The following PTPDC1 variants were observed in gnomAD, a reference collection of about 807,000 sequenced individuals.
PTPDC1 encodes protein tyrosine phosphatase domain containing 1.
PTPDC1 carries 53 observed loss-of-function variants against 75.3 expected under a neutral mutation model. The ratio of observed to expected loss-of-function variants is 0.70; its 90% CI spans 0.56 to 0.88. The LOEUF (loss-of-function observed/expected upper bound fraction) is 0.88. Among genes scored for constraint, PTPDC1 ranks in the 40% least tolerant of loss-of-function variants. The probability of loss-of-function intolerance (pLI) is 0.00; values close to 1 mark genes in which losing one functional copy is unlikely to be tolerated. For synonymous variants in PTPDC1, 349 were observed against 366.2 expected (o/e 0.95, Z 0.54); for missense variants, 925 against 998.6 (o/e 0.93, Z 0.99).
intron 4 of PTPDC1, among the ~76,000 whole-genome samples, chr9:94,088,787 G>A (rs1827169332): frequency 6.6e-6 from 1 of 152,076 alleles, no homozygotes; most frequent in African/African-American, 2.4e-5. Context: ...CACTCAACAT[G>A]TGTCCTTCAA....
intron 2 of PTPDC1, among the ~76,000 whole-genome samples, chr9:94,068,745 G>A (rs993873178): frequency 7.2e-5 from 11 of 152,044 alleles, no homozygotes; most frequent in South Asian, 2.1e-4. Flanking sequence ...GATTTTCTTC[G>A]CCTGCCCAAC....
At chr9:94,077,773 G>A (rs924127729) in intron 2 of PTPDC1, among the ~76,000 whole-genome samples, 1 of 152,190 alleles carries the variant, frequency 6.6e-6, no homozygotes, top group African/African-American at 2.4e-5. Flanking sequence ...CCCCTCCCCA[G>A]AAGCTGGATT....
At chr9:94,034,349 T>C (rs1327825790) in intron 1 of PTPDC1, among the ~76,000 whole-genome samples, 2 of 152,030 alleles carry the variant, frequency 1.3e-5, no homozygotes, top group African/African-American at 4.8e-5. Context: ...CTGGCCAACA[T>C]GGTGAAACCC....
At chr9:94,045,649 G>T (rs1383577771) in intron 1 of PTPDC1, among the ~76,000 whole-genome samples, 1 of 152,188 alleles carries the variant, frequency 6.6e-6, no homozygotes, top group African/African-American at 2.4e-5. Context: ...CTTCTTTTGA[G>T]AAGTGTCTGT....
chr9:94,098,443 C>G lies in PTPDC1; in HGVS notation c.1877C>G (p.Ser626Cys). Residue 626 changes from serine to cysteine, a missense_variant, in exon 6 of 9, where the codon TCT (serine) becomes TGT (cysteine). Coordinates refer to ENST00000620992, the MANE Select transcript of PTPDC1 (RefSeq NM_001253829.2). Reference protein sequence around the residue: ...EHETQDSKDLSEAASHSALQS... With the variant: ...EHETQDSKDLCEAASHSALQS... ...GAAACCCAGGACAGTAAAGATCTGTCTGAAGCAGCTTCACACTCTGCATTA... is the reference window on the plus strand; with the variant it reads ...GAAACCCAGGACAGTAAAGATCTGTGTGAAGCAGCTTCACACTCTGCATTA... The G allele has an allele frequency of 2.5e-6, 4 of 1,614,170 alleles. No homozygotes were observed. The highest frequency in any genetic ancestry group is 3.4e-6 in the Non-Finnish European group (4 of 1,180,026).
In PTPDC1 at chr9:94,103,420, A is replaced by G. The variant is rs560919248; in HGVS notation, c.2200-855A>G. ...GGTTGGCACCACATGTCAGAGCAGAATTCAAGCTCAGACCACTTTGGCACA... is the reference window on the plus strand; with the variant it reads ...GGTTGGCACCACATGTCAGAGCAGAGTTCAAGCTCAGACCACTTTGGCACA... On this transcript the variant is annotated intron_variant, in intron 7 of 8. Transcript: ENST00000620992. 3.9e-5 allele frequency among the ~76,000 whole-genome samples: 6 copies of G among 152,340 alleles called. No homozygotes were observed. In the East Asian group the frequency reaches 1.2e-3, roughly 29 times the overall value.
chr9:94,087,698 A>G (rs1008382077), intron 2 of PTPDC1, 133 bp from the exon 3 acceptor site: 2 of 664,578 alleles, frequency 3.0e-6, no homozygotes, highest in South Asian at 2.0e-5. Context: ...AATAAAATTT[A>G]TACACAAAAA....
chr9:94,103,129 C>T (rs1309017435), intron 7 of PTPDC1, among the ~76,000 whole-genome samples: 1 of 152,208 alleles, frequency 6.6e-6, no homozygotes, highest in African/African-American at 2.4e-5. Context: ...CACACACACA[C>T]ATACACTCAC....
At position 94,098,227 on chromosome 9, in the gene PTPDC1, C is replaced by A. The variant is rs753815488; in HGVS notation, c.1661C>A (p.Pro554His). The A allele has an allele frequency of 6.2e-7, 1 of 1,614,180 alleles. No homozygotes were observed. Among genetic ancestry groups the A allele is most frequent in the East Asian group, 2.2e-5 (1 of 44,880 alleles). Residue 554 changes from proline (P) to histidine (H), a missense_variant, in exon 6 of 9, where the codon CCT (proline) becomes CAT (histidine). Coordinates refer to ENST00000620992, the MANE Select transcript of PTPDC1 (RefSeq NM_001253829.2). The stretch of plus-strand genomic sequence containing the variant: ...GCAGATGTTTCAGGCTCACACAGCC[C>A]TGGGGAGCCAGTTTCACCCAGCTTT... ...FSADVSGSHSPGEPVSPSFAN... is the reference protein window; with the variant it reads ...FSADVSGSHSHGEPVSPSFAN...
At chr9:94,105,922 A>G (rs1185661244) in intron 8 of PTPDC1, among the ~76,000 whole-genome samples, 1 of 151,818 alleles carries the variant, frequency 6.6e-6, no homozygotes, top group Non-Finnish European at 1.5e-5. Flanking sequence ...GCAGTGAGCC[A>G]AGATTGCACC....
chr9:94,093,039 A>G (rs1167275144), intron 4 of PTPDC1, among the ~76,000 whole-genome samples: 9 of 151,920 alleles, frequency 5.9e-5, no homozygotes, highest in African/African-American at 1.9e-4. Flanking sequence ...TCTTTATTCA[A>G]TTTGCCAGTC....
chr9:94,057,230 T>C (rs145200191), intron 1 of PTPDC1, among the ~76,000 whole-genome samples: 2,756 of 152,138 alleles, frequency 0.018, 37 homozygotes, highest in Non-Finnish European at 0.029. Context: ...AGACATGTGC[T>C]ACCATGCCTG....
rs775317144 is a variant in PTPDC1 at position 94,097,609 on chromosome 9, A to G, written c.1043A>G (p.Lys348Arg). Residue 348 changes from lysine (K) to arginine (R), a missense_variant, in exon 6 of 9, where the codon AAA (lysine) becomes AGA (arginine). Transcript: ENST00000620992. Reference sequence around the variant, plus strand: ...CCAAAAATTATCCACCTAGTTTGCAAATTGCTGCTGGACTTAGCGGAGAAC... The same window carrying G: ...CCAAAAATTATCCACCTAGTTTGCAGATTGCTGCTGGACTTAGCGGAGAAC... ...HVPKIIHLVC[K>R]LLLDLAENRP... 17 of 1,613,864 alleles carry G rather than the reference A, an allele frequency of 1.1e-5. No homozygotes were observed. Among genetic ancestry groups the G allele is most frequent in the South Asian group, 3.3e-5 (3 of 91,088 alleles).
At chr9:94,096,409 G>A (rs138492600) in intron 5 of PTPDC1, among the ~76,000 whole-genome samples, 35 of 152,262 alleles carry the variant, frequency 2.3e-4, no homozygotes, top group Admixed American at 2.1e-3. Flanking sequence ...TGTTGTTACC[G>A]ACTGTGAACT....
At chr9:94,050,406 T>G (rs1208104680) in intron 1 of PTPDC1, among the ~76,000 whole-genome samples, 1 of 152,232 alleles carries the variant, frequency 6.6e-6, no homozygotes, top group East Asian at 1.9e-4. Context: ...TGGATGTCCT[T>G]TCTGTTTGTT....
chr9:94,103,548 A>T (rs1001458652), intron 7 of PTPDC1, among the ~76,000 whole-genome samples: 2 of 152,170 alleles, frequency 1.3e-5, no homozygotes, highest in Non-Finnish European at 2.9e-5. Flanking sequence ...TTTTACTTTC[A>T]TAGGCGTCAT....
chr9:94,067,246 C>T (rs563534440), intron 2 of PTPDC1, among the ~76,000 whole-genome samples: 17 of 151,910 alleles, frequency 1.1e-4, no homozygotes, highest in African/African-American at 3.9e-4. Context: ...AAAAATTAGC[C>T]GAGCATGGTG....
intron 4 of PTPDC1, among the ~76,000 whole-genome samples, chr9:94,091,489 A>G (rs1827317504): frequency 1.3e-5 from 2 of 152,074 alleles, no homozygotes; most frequent in Admixed American, 6.5e-5. Context: ...TTTTGCCAGT[A>G]TTTTACTGAG....
At chr9:94,078,471 C>G (rs1213788479) in intron 2 of PTPDC1, among the ~76,000 whole-genome samples, 1 of 152,066 alleles carries the variant, frequency 6.6e-6, no homozygotes, top group Non-Finnish European at 1.5e-5. Context: ...TGTATGTATC[C>G]TACTTAGAGT....
Sources: gnomAD v4.1 joint callset for allele counts (sites outside exome capture counted in the v4.1 genomes callset) on GRCh38, gnomAD v4.1.1 for gene constraint, MANE v1.5 for transcripts, NCBI Gene and HGNC (gene_info 2026-07-23, HGNC 2026-07-21) for gene names.